EYA1: variants seen among roughly 807,000 people sequenced by gnomAD.
The protein encoded by EYA1 is protein phosphatase EYA1.
Under a neutral mutation model 82.0 loss-of-function variants are expected in EYA1, and 16 were observed. That is an observed-to-expected ratio of 0.20 (90% CI 0.13 to 0.30). The LOEUF (loss-of-function observed/expected upper bound fraction) is 0.30. EYA1 is among the 10% of genes least tolerant of loss of function. The pLI, the probability that EYA1 is intolerant of heterozygous loss-of-function variation, is 1.00. For missense variants in EYA1, 633 were observed against 730.7 expected (o/e 0.87, Z 1.54); for synonymous variants, 261 against 264.4 (o/e 0.99, Z 0.12).
At chr8:71,505,228 C>G (rs1482177040) in intron 2 of EYA1, among the ~76,000 whole-genome samples, 1 of 152,182 alleles carries the variant, frequency 6.6e-6, no homozygotes, top group African/African-American at 2.4e-5. Flanking sequence ...TGCAGTGGTT[C>G]TCAATCCTGG....
intron 2 of EYA1, among the ~76,000 whole-genome samples, chr8:71,438,501 G>A (rs11991839): frequency 0.63 from 95,519 of 152,014 alleles, 31,033 homozygotes; most frequent in African/African-American, 0.74. Flanking sequence ...ATAAGATTTC[G>A]TAGAAGAATT....
intron 12 of EYA1, among the ~76,000 whole-genome samples, chr8:71,223,685 C>A (rs1411917327): frequency 6.6e-6 from 1 of 152,222 alleles, no homozygotes; most frequent in Non-Finnish European, 1.5e-5. Flanking sequence ...TTAGTCCCTT[C>A]TGTCATTATT....
intron 2 of EYA1, among the ~76,000 whole-genome samples, chr8:71,514,953 T>A (rs1024284615): frequency 2.0e-5 from 3 of 152,124 alleles, no homozygotes; most frequent in African/African-American, 7.2e-5. Flanking sequence ...AAAACATTAG[T>A]AAAGAAGACA....
chr8:71,438,071 A>G (rs920750585), intron 2 of EYA1, among the ~76,000 whole-genome samples: 1 of 152,170 alleles, frequency 6.6e-6, no homozygotes, highest in African/African-American at 2.4e-5. Flanking sequence ...TACTTTGGAT[A>G]CTCAAGGGTA....
intron 17 of EYA1, among the ~76,000 whole-genome samples, chr8:71,210,516 T>C (rs567451889): frequency 6.6e-6 from 1 of 152,136 alleles, no homozygotes; most frequent in African/African-American, 2.4e-5. Flanking sequence ...AAAAATGCAA[T>C]GAGAGGCCCA....
chr8:71,371,057 C>T (rs1025783198), intron 2 of EYA1, among the ~76,000 whole-genome samples: 1 of 152,146 alleles, frequency 6.6e-6, no homozygotes, highest in African/African-American at 2.4e-5. Flanking sequence ...TTACACCACC[C>T]AACTCCTCCC....
chr8:71,332,065 C>A (rs1823942667), intron 4 of EYA1, among the ~76,000 whole-genome samples: 2 of 152,036 alleles, frequency 1.3e-5, no homozygotes, highest in African/African-American at 2.4e-5. Context: ...GTTGTCCAGG[C>A]TGGCCTCCAA....
In EYA1 at chr8:71,210,419, C is replaced by T. The variant is rs138517766; in HGVS notation, c.1698+737G>A. ...ACTGACACAACTACAGTGTAAGGTA[C>T]AGGAGGGAGACAGATCAGAAAGGCA... On this transcript the variant is annotated intron_variant, in intron 17 of 17. Transcript: ENST00000340726. 5.3e-3 allele frequency among the ~76,000 whole-genome samples: 812 copies of T among 152,176 alleles called. 10 individuals carry two copies. Among genetic ancestry groups the T allele is most frequent in the African/African-American group, 0.018 (762 of 41,512 alleles).
In EYA1 at chr8:71,215,615, G is replaced by T. The variant is rs1226367549; in HGVS notation, c.1474C>A (p.Arg492=). Residue 492 remains arginine (R), a splice_region_variant and synonymous_variant, in exon 15 of 18, where the codon CGG becomes AGG. Coordinates refer to ENST00000340726, the MANE Select transcript of EYA1 (RefSeq NM_000503.6). ...CAAAGACCCCGCAGAGAGCCTCACC[G>T]GGAGTGAATGAGCGAGAGTGCTTTC... ...ALKALSLIHS[R]TNCVNILVTT... 6.2e-7 allele frequency: 1 copy of T among 1,613,302 alleles called. No individual in the cohort carries two copies. Among genetic ancestry groups the T allele is most frequent in the Non-Finnish European group, 8.5e-7 (1 of 1,179,388 alleles).
At chr8:71,498,559 T>C (rs751888442) in intron 2 of EYA1, among the ~76,000 whole-genome samples, 1 of 152,134 alleles carries the variant, frequency 6.6e-6, no homozygotes, top group Non-Finnish European at 1.5e-5. Flanking sequence ...GAACATTCGC[T>C]ACTAAACTAT....
At chr8:71,294,421 C>CT (rs1375434991) in intron 9 of EYA1, among the ~76,000 whole-genome samples, 1 of 152,088 alleles carries the variant, frequency 6.6e-6, no homozygotes, top group East Asian at 1.9e-4. Context: ...GATAGCGCCA[C>CT]GCCCTCCAGC....
At chr8:71,227,155 C>G (rs994156408) in intron 12 of EYA1, among the ~76,000 whole-genome samples, 2 of 152,028 alleles carry the variant, frequency 1.3e-5, no homozygotes, top group African/African-American at 4.8e-5. Context: ...TAAAAAAACT[C>G]AGCACACATC....
At chr8:71,264,898 T>C (rs1047963876) in intron 11 of EYA1, among the ~76,000 whole-genome samples, 4 of 152,144 alleles carry the variant, frequency 2.6e-5, no homozygotes, top group African/African-American at 9.7e-5. Flanking sequence ...CATGATACAA[T>C]TTAATTTTTA....
chr8:71,449,890 C>G (rs1335745672), intron 2 of EYA1, among the ~76,000 whole-genome samples: 1 of 152,208 alleles, frequency 6.6e-6, no homozygotes, highest in African/African-American at 2.4e-5. Flanking sequence ...CTTACTGCAT[C>G]TTCTGCTGAG....
rs1823718742 is a variant in EYA1, at chr8:71,330,546, C to A, written c.202+3551G>T. Among the ~76,000 whole-genome samples the A allele has an allele frequency of 2.0e-5, 3 of 152,254 alleles. No homozygotes were observed. In the South Asian group the frequency reaches 6.2e-4, roughly 32 times the overall value. ...ACTTGAAAGACATTTTTCTTTTCCT[C>A]ATCTTCACTCCCCCACATTATTCAT... On this transcript the variant is annotated intron_variant, in intron 4 of 17. Coordinates refer to ENST00000340726, the MANE Select transcript of EYA1 (RefSeq NM_000503.6).
In EYA1 at chr8:71,257,640, C is replaced by T. The variant is rs1009788292; in HGVS notation, c.1050+12100G>A. ...AATATACACAAGAATGTATGTCAGACGATGCTTGGCTTCTATTCACTCTAT... is the reference window on the plus strand; with the variant it reads ...AATATACACAAGAATGTATGTCAGATGATGCTTGGCTTCTATTCACTCTAT... On this transcript the variant is annotated intron_variant, in intron 11 of 17. Coordinates refer to ENST00000340726, the MANE Select transcript of EYA1 (RefSeq NM_000503.6). 1.2e-4 allele frequency among the ~76,000 whole-genome samples: 19 copies of T among 152,286 alleles called. No individual in the cohort carries two copies. In the Middle Eastern group the frequency reaches 0.017, roughly 136 times the overall value.
intron 12 of EYA1, among the ~76,000 whole-genome samples, chr8:71,239,889 G>T (rs1051843426): frequency 6.6e-6 from 1 of 152,172 alleles, no homozygotes; most frequent in Non-Finnish European, 1.5e-5. Flanking sequence ...TTCTGAATCG[G>T]ATTAAATATT....
At chr8:71,203,898 G>T (rs1807395842) in intron 17 of EYA1, among the ~76,000 whole-genome samples, 1 of 152,136 alleles carries the variant, frequency 6.6e-6, no homozygotes. Flanking sequence ...GGGAATCAAA[G>T]AACCCCAAAT....
At chr8:71,199,886 C>T (rs566695943) in intron 17 of EYA1, 4 of 174,744 alleles carry the variant, frequency 2.3e-5, no homozygotes, top group South Asian at 1.3e-4. Context: ...CCATTTATTT[C>T]CCTCAGTTAT....
Sources: gnomAD v4.1 joint callset for allele counts (sites outside exome capture counted in the v4.1 genomes callset) on GRCh38, gnomAD v4.1.1 for gene constraint, MANE v1.5 for transcripts, NCBI Gene and HGNC (gene_info 2026-07-23, HGNC 2026-07-21) for gene names.